ROR2: variants seen among roughly 807,000 people sequenced by gnomAD.
The protein encoded by ROR2 is tyrosine-protein kinase transmembrane receptor ROR2.
A neutral mutation model predicts 74.9 loss-of-function variants in ROR2; 33 were observed. That is an observed-to-expected ratio of 0.44 (90% confidence interval 0.33 to 0.59). The LOEUF is 0.59. Among genes scored for constraint, ROR2 ranks in the 20% least tolerant of loss-of-function variants. The probability of loss-of-function intolerance (pLI) is 0.02; values close to 1 mark genes in which losing one functional copy is unlikely to be tolerated. For missense variants in ROR2, 1,216 were observed against 1,313.8 expected, an observed-to-expected ratio of 0.93 and a Z score of 1.15; for synonymous variants, 586 against 558.7, an observed-to-expected ratio of 1.05 and a Z score of -0.69.
chr9:91,853,598 T>TGACAGGCAGTGCTGTCTCAG (rs1829182171), intron 1 of ROR2, among the ~76,000 whole-genome samples: 1 of 152,138 alleles, frequency 6.6e-6, no homozygotes, highest in South Asian at 2.1e-4. Flanking sequence ...TCCACCCCTA[T>TGACAGGCAGTGCTGTCTCAG]GACAGGCAGT....
intron 1 of ROR2, among the ~76,000 whole-genome samples, chr9:91,918,365 TC>T (rs35623523): frequency 0.07 from 10,689 of 151,916 alleles, 664 homozygotes; most frequent in East Asian, 0.21. Flanking sequence ...AACCCTAGGC[TC>T]CCTATAAAGT....
At chr9:91,749,613 G>A (rs1164531836) in intron 4 of ROR2, among the ~76,000 whole-genome samples, 1 of 152,142 alleles carries the variant, frequency 6.6e-6, no homozygotes. Context: ...TGTACTGTTA[G>A]CATACTGTGG....
At chr9:91,732,741 C>T (rs1837289960) in intron 6 of ROR2, among the ~76,000 whole-genome samples, 1 of 152,208 alleles carries the variant, frequency 6.6e-6, no homozygotes, top group South Asian at 2.1e-4. Context: ...TGCTGACCGT[C>T]GGGCAAGTTA....
chr9:91,827,236 A>C (rs918529736), intron 1 of ROR2, among the ~76,000 whole-genome samples: 9 of 152,188 alleles, frequency 5.9e-5, no homozygotes, highest in Non-Finnish European at 1.2e-4. Flanking sequence ...AGCTTAGTTG[A>C]CTAAATCAAC....
At chr9:91,841,598 G>A (rs2119217594) in intron 1 of ROR2, among the ~76,000 whole-genome samples, 1 of 152,364 alleles carries the variant, frequency 6.6e-6, no homozygotes, top group Non-Finnish European at 1.5e-5. Context: ...GAAAAAGTCT[G>A]TAAATGTGTA....
chr9:91,917,270 C>T (rs996371033), intron 1 of ROR2, among the ~76,000 whole-genome samples: 1 of 152,144 alleles, frequency 6.6e-6, no homozygotes, highest in Admixed American at 6.5e-5. Context: ...TAGTTCTAAA[C>T]ACTTTGGCCA....
rs557067848 is a variant in ROR2, at chr9:91,933,736, AC to A, written c.97+16130del. Among the ~76,000 whole-genome samples the A allele has an allele frequency of 2.8e-3, 426 of 152,340 alleles. 2 individuals are homozygous for A. In the Middle Eastern group the frequency reaches 0.031, roughly 11 times the overall value. On this transcript the variant is annotated intron_variant, in intron 1 of 8. Transcript: ENST00000375708. ...TTATGCTAAGTGAAAGAAGCCAGAC[AC>A]AAAAGGCCACATACTGCATGACATT...
chr9:91,730,763 T>G (rs1837210492), intron 7 of ROR2, 147 bp downstream of exon 7: 1 of 1,133,756 alleles, frequency 8.8e-7, no homozygotes, highest in Non-Finnish European at 1.3e-6. Flanking sequence ...CCAACAGCTT[T>G]ATTTAAAATG....
chr9:91,925,685 C>G (rs535929802), intron 1 of ROR2, among the ~76,000 whole-genome samples: 47 of 152,272 alleles, frequency 3.1e-4, no homozygotes, highest in Non-Finnish European at 6.2e-4. Flanking sequence ...TCCATAGGAA[C>G]TCAAATACAG....
intron 1 of ROR2, among the ~76,000 whole-genome samples, chr9:91,845,684 A>G (rs1828906741): frequency 2.0e-5 from 3 of 151,960 alleles, no homozygotes; most frequent in African/African-American, 7.2e-5. Flanking sequence ...GCGTTTGAGA[A>G]GAGCCTGGCC....
rs117803006 is a variant in ROR2, at chr9:91,761,635, G to A, written c.176-4076C>T. On this transcript the variant is annotated intron_variant, in intron 2 of 8. Coordinates refer to ENST00000375708, the MANE Select transcript of ROR2 (RefSeq NM_004560.4). Reference sequence around the variant, plus strand: ...ATGAAGCTTCACTTTCTCACCTACTGCTCACCTCCTGCTGTGTAGCCCAGT... The same window carrying A: ...ATGAAGCTTCACTTTCTCACCTACTACTCACCTCCTGCTGTGTAGCCCAGT... 9.1e-4 allele frequency among the ~76,000 whole-genome samples: 139 copies of A among 152,276 alleles called. 3 individuals are homozygous for A. In the East Asian group the frequency reaches 0.025, roughly 28 times the overall value.
At chr9:91,931,179 C>A (rs1261242161) in intron 1 of ROR2, among the ~76,000 whole-genome samples, 1 of 152,052 alleles carries the variant, frequency 6.6e-6, no homozygotes. Flanking sequence ...GGATTAAACT[C>A]CAAATAAAAC....
In ROR2 at chr9:91,733,457, G is replaced by A. The variant is rs759104319; in HGVS notation, c.623-21C>T. 26 of 1,603,736 alleles carry A rather than the reference G, an allele frequency of 1.6e-5. No individual in the cohort carries two copies. The South Asian group carries it at 2.2e-4, about 14-fold the overall frequency. ...GGCCGCTGCAGAGCCCGCGAGACTC[G>A]CGTTAGCGGGGGACCCACCTTGCGC... On this transcript the variant is annotated intron_variant, in intron 5 of 8. Coordinates refer to ENST00000375708, the MANE Select transcript of ROR2 (RefSeq NM_004560.4). This position sits in a 1 kb window ranked among gnomAD's most constrained non-coding sequence, Gnocchi z 5.7.
intron 1 of ROR2, among the ~76,000 whole-genome samples, chr9:91,944,816 G>T (rs751187184): frequency 6.6e-6 from 1 of 152,010 alleles, no homozygotes; most frequent in African/African-American, 2.4e-5. Context: ...CAGGACTGGG[G>T]TGGGGGTGGG....
intron 1 of ROR2, among the ~76,000 whole-genome samples, chr9:91,802,090 T>G (rs1237603825): frequency 1.5e-5 from 2 of 132,248 alleles, no homozygotes; most frequent in East Asian, 2.9e-4. Flanking sequence ...TTTTTTTTTT[T>G]GGAGATGGAG....
At chr9:91,868,713 C>T (rs1285361168) in intron 1 of ROR2, among the ~76,000 whole-genome samples, 1 of 152,162 alleles carries the variant, frequency 6.6e-6, no homozygotes, top group South Asian at 2.1e-4. Context: ...GAATTCTATA[C>T]CCAGTGAAAA....
In ROR2 at chr9:91,821,784, C is replaced by T. The variant is rs544658534; in HGVS notation, c.98-45966G>A. Reference sequence around the variant, plus strand: ...CTGCCTTAGACAAGGACTCCAGCCCCGGCGTCATTACACAGCACTCATCAT... The same window carrying T: ...CTGCCTTAGACAAGGACTCCAGCCCTGGCGTCATTACACAGCACTCATCAT... On this transcript the variant is annotated intron_variant, in intron 1 of 8. Transcript: ENST00000375708. 1.4e-4 allele frequency among the ~76,000 whole-genome samples: 22 copies of T among 152,332 alleles called. No homozygotes were observed. In the South Asian group the frequency reaches 1.7e-3, roughly 11 times the overall value.
At chr9:91,877,407 T>G (rs1829986505) in intron 1 of ROR2, among the ~76,000 whole-genome samples, 1 of 152,124 alleles carries the variant, frequency 6.6e-6, no homozygotes, top group Non-Finnish European at 1.5e-5. Flanking sequence ...CCAATCTAAG[T>G]GGACGGGGAC....
intron 1 of ROR2, among the ~76,000 whole-genome samples, chr9:91,820,038 G>A (rs1363958969): frequency 6.6e-6 from 1 of 152,110 alleles, no homozygotes; most frequent in Non-Finnish European, 1.5e-5. Context: ...AAGAAGAAGG[G>A]GCAGTAAGAA....
Sources: gnomAD v4.1 joint callset for allele counts (sites outside exome capture counted in the v4.1 genomes callset) on GRCh38, gnomAD v4.1.1 for gene constraint, Gnocchi (gnomAD v3.1) non-coding constraint, MANE v1.5 for transcripts, NCBI Gene and HGNC (gene_info 2026-07-23, HGNC 2026-07-21) for gene names.